ADAMTSL1: variants seen among roughly 807,000 people sequenced by gnomAD.
ADAMTSL1 encodes ADAMTS like 1, also known as ADAMTS-like protein 1.
Under a neutral mutation model 201.8 loss-of-function variants are expected in ADAMTSL1, and 126 were observed. The ratio of observed to expected loss-of-function variants is 0.62; its 90% CI spans 0.54 to 0.72. ADAMTSL1 has a LOEUF of 0.72. Among genes scored for constraint, ADAMTSL1 ranks in the 30% least tolerant of loss-of-function variants. The pLI, the probability that ADAMTSL1 is intolerant of heterozygous loss-of-function variation, is 0.00. For missense variants in ADAMTSL1, 2,679 were observed against 2,277.8 expected (o/e 1.18, Z -3.59); for synonymous variants, 1,121 against 903.4 (o/e 1.24, Z -4.32).
chr9:17,989,723 T>C (rs1819073168), intron 1 of ADAMTSL1, among the ~76,000 whole-genome samples: 1 of 152,000 alleles, frequency 6.6e-6, no homozygotes, highest in Admixed American at 6.6e-5. Context: ...AAATATTTAC[T>C]TGTTTTAATG....
intron 1 of ADAMTSL1, among the ~76,000 whole-genome samples, chr9:18,003,366 G>A (rs73643487): frequency 0.08 from 12,220 of 152,078 alleles, 534 homozygotes; most frequent in African/African-American, 0.11. Context: ...AAGAGAGAGA[G>A]GATACCATCA....
intron 2 of ADAMTSL1, among the ~76,000 whole-genome samples, chr9:18,309,347 C>G (rs1277868361): frequency 6.6e-6 from 1 of 151,966 alleles, no homozygotes; most frequent in Non-Finnish European, 1.5e-5. Context: ...GGCAATCAGG[C>G]AAGAGAAAGA....
intron 19 of ADAMTSL1, among the ~76,000 whole-genome samples, chr9:18,788,853 A>T (rs1414241869): frequency 6.6e-6 from 1 of 150,786 alleles, no homozygotes; most frequent in East Asian, 1.9e-4. Flanking sequence ...TCCTTTCTGA[A>T]ATTGCAGAAT....
At chr9:18,256,256 A>G (rs1831677751) in intron 2 of ADAMTSL1, among the ~76,000 whole-genome samples, 1 of 152,204 alleles carries the variant, frequency 6.6e-6, no homozygotes, top group African/African-American at 2.4e-5. Flanking sequence ...GGCAAAGGGC[A>G]TCGTACAGGC....
chr9:18,219,330 A>G (rs950610063), intron 2 of ADAMTSL1, among the ~76,000 whole-genome samples: 2 of 149,872 alleles, frequency 1.3e-5, no homozygotes, highest in African/African-American at 2.5e-5. Flanking sequence ...TCCAATATAT[A>G]TTTACATTTT....
At chr9:18,145,858 A>C (rs933094643) in intron 1 of ADAMTSL1, among the ~76,000 whole-genome samples, 16 of 152,224 alleles carry the variant, frequency 1.1e-4, no homozygotes, top group African/African-American at 3.9e-4. Flanking sequence ...TATCTCATAA[A>C]TGACTTGTGT....
In ADAMTSL1 at chr9:18,303,002, T is replaced by C. The variant is rs1214487303; in HGVS notation, c.207+139021T>C. On this transcript the variant is annotated intron_variant, in intron 2 of 29. Coordinates refer to the ADAMTSL1 transcript ENST00000680146. ...AGTTCAGTTAATAATGGTGCTTTAA[T>C]ACATAAGAAAAGATGCAGAGAAACT... Among the ~76,000 whole-genome samples the C allele has an allele frequency of 2.6e-5, 4 of 152,332 alleles. No individual in the cohort carries two copies. The East Asian group carries it at 5.8e-4, about 22-fold the overall frequency.
At chr9:18,068,318 A>G (rs1005410957) in intron 1 of ADAMTSL1, among the ~76,000 whole-genome samples, 10 of 152,190 alleles carry the variant, frequency 6.6e-5, no homozygotes, top group Non-Finnish European at 1.5e-4. Context: ...AAATAACAAT[A>G]CAACAATAAA....
intron 17 of ADAMTSL1, 87 bp downstream of exon 17, chr9:18,770,868 G>GAACAA (rs1820652239): frequency 7.5e-7 from 1 of 1,324,940 alleles, no homozygotes; most frequent in Admixed American, 2.3e-5. Context: ...GGCAAGAAGA[G>GAACAA]AACAAAACAA....
Position 18,777,364 on chromosome 9 carries a change from G to A in ADAMTSL1, c.3135G>A (p.Gln1045=). ...AGCTGCTGGCCTCGTGGGAGGCGCA[G>A]GACTCTGCGGAAAGGAACACGACCT... ...PGELLASWEA[Q]DSAERNTTSE... The change falls in exon 19 of 29, where the codon CAG becomes CAA. Residue 1045 remains glutamine (Q), a synonymous_variant. Transcript: ENST00000380548. The A allele has an allele frequency of 6.2e-7, 1 of 1,602,562 alleles. No individual in the cohort carries two copies. The highest frequency in any genetic ancestry group is 1.1e-5 in the South Asian group (1 of 89,488).
intron 1 of ADAMTSL1, among the ~76,000 whole-genome samples, chr9:18,020,384 T>C (rs955831680): frequency 6.6e-6 from 1 of 152,100 alleles, no homozygotes; most frequent in Non-Finnish European, 1.5e-5. Flanking sequence ...AGTGCTCTGC[T>C]TTCATTCTCT....
At chr9:18,019,699 T>A (rs376159127) in intron 1 of ADAMTSL1, among the ~76,000 whole-genome samples, 1 of 152,164 alleles carries the variant, frequency 6.6e-6, no homozygotes, top group Non-Finnish European at 1.5e-5. Context: ...AGCAGGAACA[T>A]TGGACTTGGA....
At chr9:18,528,513 C>T (rs1013720892) in intron 2 of ADAMTSL1, among the ~76,000 whole-genome samples, 2 of 152,220 alleles carry the variant, frequency 1.3e-5, no homozygotes, top group South Asian at 2.1e-4. Flanking sequence ...CAGCTCCATC[C>T]ATGTCCCTGC....
At position 18,662,054 on chromosome 9, in the gene ADAMTSL1, T is replaced by C; in HGVS notation, c.1066T>C (p.Leu356=). 9 of 1,613,944 alleles carry C rather than the reference T, an allele frequency of 5.6e-6. No homozygotes were observed. Among genetic ancestry groups the C allele is most frequent in the Non-Finnish European group, 7.6e-6 (9 of 1,179,868 alleles). The change falls in exon 9 of 29, where the codon TTG becomes CTG. Residue 356 remains leucine, a synonymous_variant. Transcript: ENST00000380548. ...KPKPKLQECN[L]DPCPASDGYK... is the part of the protein sequence containing the mutation. The stretch of plus-strand genomic sequence containing the variant: ...CAAACCCAAGCTTCAGGAGTGCAAC[T>C]TGGATCCTTGTCCAGCCAGGTCAGT...
chr9:18,299,205 A>G (rs2383065), intron 2 of ADAMTSL1, among the ~76,000 whole-genome samples: 7 of 152,218 alleles, frequency 4.6e-5, no homozygotes, highest in East Asian at 3.9e-4. Flanking sequence ...TGTGAGAGCT[A>G]GAATTCAAAC....
In ADAMTSL1 at chr9:18,826,263, GTTTT is replaced by G; in HGVS notation, c.3935-12_3935-9del. ...GTTTGACTGATGAGTGGGGTTTTTT[GTTTT>G]TTTTTTTTCTTCCTAGGAGTGCCTG... On this transcript the variant is annotated splice_polypyrimidine_tract_variant and intron_variant, in intron 21 of 28. Coordinates refer to ENST00000380548, the MANE Select transcript of ADAMTSL1 (RefSeq NM_001040272.6). 7.4e-7 allele frequency: 1 copy of G among 1,356,514 alleles called. No individual in the cohort carries two copies. Among genetic ancestry groups the G allele is most frequent in the Non-Finnish European group, 1.0e-6 (1 of 985,614 alleles). The allele number at this position is 1,356,514 out of a possible 1,614,324, so 84.0% of individuals were successfully genotyped here. A position where few individuals can be genotyped will look rare whatever the true frequency, so the allele number is the denominator to read the frequency against.
intron 2 of ADAMTSL1, among the ~76,000 whole-genome samples, chr9:18,164,329 C>G (rs1206053182): frequency 6.6e-6 from 1 of 151,802 alleles, no homozygotes; most frequent in African/African-American, 2.4e-5. Context: ...ATATGTAAAG[C>G]CCAGATTGTT....
chr9:18,008,946 C>T (rs890224538), intron 1 of ADAMTSL1, among the ~76,000 whole-genome samples: 1 of 151,960 alleles, frequency 6.6e-6, no homozygotes, highest in Non-Finnish European at 1.5e-5. Flanking sequence ...TTTGCTGGAA[C>T]AGGGCATCAT....
chr9:18,557,509 A>G (rs1433216288), intron 3 of ADAMTSL1, among the ~76,000 whole-genome samples: 1 of 152,062 alleles, frequency 6.6e-6, no homozygotes, highest in Non-Finnish European at 1.5e-5. Context: ...ATTTCAAGTC[A>G]TTCATGGTGC....
Sources: gnomAD v4.1 joint callset for allele counts (sites outside exome capture counted in the v4.1 genomes callset) on GRCh38, gnomAD v4.1.1 for gene constraint, MANE v1.5 for transcripts, NCBI Gene and HGNC (gene_info 2026-07-23, HGNC 2026-07-21) for gene names.